Variants in LCLAT1 observed in about 807,000 individuals in gnomAD.
LCLAT1 encodes the protein lysocardiolipin acyltransferase 1, also known as 1-AGP acyltransferase 8.
Under a neutral mutation model 30.7 loss-of-function variants are expected in LCLAT1, and 11 were observed. The ratio of observed to expected loss-of-function variants is 0.36; its 90% CI spans 0.23 to 0.59. LCLAT1 has a LOEUF of 0.59. Among genes scored for constraint, LCLAT1 ranks in the 20% least tolerant of loss-of-function variants. The probability of loss-of-function intolerance (pLI) is 0.77; values close to 1 mark genes in which losing one functional copy is unlikely to be tolerated. For missense variants in LCLAT1, 402 were observed against 458.6 expected (o/e 0.88, Z 1.13); for synonymous variants, 155 against 151.3 (o/e 1.02, Z -0.18).
chr2:30,452,648 T>C (rs1681615769), intron 1 of LCLAT1, among the ~76,000 whole-genome samples: 2 of 152,226 alleles, frequency 1.3e-5, no homozygotes, highest in South Asian at 4.1e-4. Flanking sequence ...GCAGGTCTCT[T>C]TTTCATCATT....
chr2:30,625,851 A>T (rs925548758), intron 5 of LCLAT1, among the ~76,000 whole-genome samples: 1 of 152,200 alleles, frequency 6.6e-6, no homozygotes, highest in Admixed American at 6.5e-5. Context: ...CCACTAACTG[A>T]TCTTCAACAA....
intron 5 of LCLAT1, among the ~76,000 whole-genome samples, chr2:30,580,519 T>C (rs935162552): frequency 3.9e-5 from 6 of 152,138 alleles, no homozygotes; most frequent in African/African-American, 1.2e-4. Flanking sequence ...AGTGGAGATA[T>C]GTAGTTTAGA....
intron 5 of LCLAT1, among the ~76,000 whole-genome samples, chr2:30,600,826 G>T (rs1046691943): frequency 7.2e-5 from 11 of 152,024 alleles, no homozygotes; most frequent in African/African-American, 1.4e-4. Context: ...TTGAATGTTG[G>T]CCCGTCTTCC....
chr2:30,492,732 T>C (rs748200517), intron 1 of LCLAT1, among the ~76,000 whole-genome samples: 1 of 152,226 alleles, frequency 6.6e-6, no homozygotes, highest in Non-Finnish European at 1.5e-5. Context: ...TTGCTTTCTT[T>C]GTTACTAGTA....
At chr2:30,556,036 C>A (rs1028927660) in intron 3 of LCLAT1, among the ~76,000 whole-genome samples, 1 of 151,774 alleles carries the variant, frequency 6.6e-6, no homozygotes, top group East Asian at 1.9e-4. Context: ...CCTTGTGATC[C>A]GCCCACCTCG....
intron 5 of LCLAT1, among the ~76,000 whole-genome samples, chr2:30,634,760 AT>A (rs1380768917): frequency 6.6e-6 from 1 of 152,226 alleles, no homozygotes; most frequent in Non-Finnish European, 1.5e-5. Flanking sequence ...CTGCAGGTAC[AT>A]TTTTTTCTTT....
At chr2:30,502,156 A>G (rs1684432539) in intron 1 of LCLAT1, among the ~76,000 whole-genome samples, 2 of 152,154 alleles carry the variant, frequency 1.3e-5, no homozygotes. Flanking sequence ...ACTTCTATCT[A>G]GTGCTTTTTT....
intron 3 of LCLAT1, among the ~76,000 whole-genome samples, chr2:30,546,838 A>G (rs1306125112): frequency 6.6e-6 from 1 of 152,074 alleles, no homozygotes; most frequent in African/African-American, 2.4e-5. Context: ...TTTTGACTCT[A>G]TCCAGTTTGG....
chr2:30,591,170 T>G (rs1334189901), intron 5 of LCLAT1, among the ~76,000 whole-genome samples: 1 of 152,144 alleles, frequency 6.6e-6, no homozygotes, highest in African/African-American at 2.4e-5. Flanking sequence ...TAACTGAAAT[T>G]GGAACTAAGT....
At chr2:30,454,978 A>T (rs952421738) in intron 1 of LCLAT1, among the ~76,000 whole-genome samples, 8 of 152,192 alleles carry the variant, frequency 5.3e-5, no homozygotes, top group African/African-American at 1.9e-4. Flanking sequence ...AGAAGAATAT[A>T]CTAGAAGTCG....
rs371169078 is a variant in LCLAT1, at chr2:30,473,608, A to G, written c.-5+26225A>G. On this transcript the variant is annotated intron_variant, in intron 1 of 5. Transcript: ENST00000379509. ...AAAATTAACCTACTTCTGTGGATGG[A>G]TAGATGAACATGGATGCGTTCTATG... Among the ~76,000 whole-genome samples, 85 of 152,328 alleles carry G rather than the reference A, an allele frequency of 5.6e-4. 1 individual carries two copies. Among genetic ancestry groups the G allele is most frequent in the African/African-American group, 1.9e-3 (81 of 41,578 alleles).
intron 3 of LCLAT1, 112 bp downstream of exon 3, chr2:30,533,426 A>T: frequency 1.2e-6 from 1 of 826,960 alleles, no homozygotes; most frequent in East Asian, 2.4e-5. Context: ...CACTGGGCCA[A>T]AAACAATCTC....
At chr2:30,638,994 T>G (rs1669171799) in intron 5 of LCLAT1, among the ~76,000 whole-genome samples, 2 of 152,208 alleles carry the variant, frequency 1.3e-5, no homozygotes, top group South Asian at 4.1e-4. Flanking sequence ...ACCATTCTGG[T>G]CACTGCCCGC....
intron 5 of LCLAT1, among the ~76,000 whole-genome samples, chr2:30,617,178 C>G (rs978128190): frequency 6.6e-6 from 1 of 152,144 alleles, no homozygotes; most frequent in East Asian, 1.9e-4. Context: ...TTCTATGTAC[C>G]TCTGCAGTCA....
intron 5 of LCLAT1, among the ~76,000 whole-genome samples, chr2:30,576,893 T>G (rs1666012830): frequency 6.6e-6 from 1 of 151,894 alleles, no homozygotes; most frequent in Non-Finnish European, 1.5e-5. Flanking sequence ...TATTGCAAAG[T>G]AATATTAAAA....
chr2:30,453,606 G>A (rs1244213687), intron 1 of LCLAT1, among the ~76,000 whole-genome samples: 6 of 152,200 alleles, frequency 3.9e-5, no homozygotes, highest in African/African-American at 1.2e-4. Flanking sequence ...TGAACTTGGT[G>A]ATGGGGACAG....
chr2:30,590,278 C>T (rs1308040111), intron 5 of LCLAT1, among the ~76,000 whole-genome samples: 1 of 151,198 alleles, frequency 6.6e-6, no homozygotes, highest in Non-Finnish European at 1.5e-5. Context: ...GCTATTTAAA[C>T]TTCCATCATT....
chr2:30,573,444 T>A (rs1665869282), intron 5 of LCLAT1, among the ~76,000 whole-genome samples: 1 of 152,144 alleles, frequency 6.6e-6, no homozygotes, highest in South Asian at 2.1e-4. Context: ...TGGAGTAAGG[T>A]CTCACAGAAT....
At chr2:30,583,853 G>T (rs1666310116) in intron 5 of LCLAT1, among the ~76,000 whole-genome samples, 1 of 152,082 alleles carries the variant, frequency 6.6e-6, no homozygotes. Flanking sequence ...TTTTTTTCAT[G>T]TTGAATTAGG....
Sources: gnomAD v4.1 joint callset for allele counts (sites outside exome capture counted in the v4.1 genomes callset) on GRCh38, gnomAD v4.1.1 for gene constraint, MANE v1.5 for transcripts, NCBI Gene and HGNC (gene_info 2026-07-23, HGNC 2026-07-21) for gene names.